BIN2: variants seen among roughly 807,000 people sequenced by gnomAD.
The protein encoded by BIN2 is breast cancer associated protein BRAP1.
Under a neutral mutation model 67.9 loss-of-function variants are expected in BIN2, and 43 were observed. That is an observed-to-expected ratio of 0.63 (90% CI 0.50 to 0.82). The LOEUF (loss-of-function observed/expected upper bound fraction) is 0.82. Among genes scored for constraint, BIN2 ranks in the 40% least tolerant of loss-of-function variants. BIN2 has a pLI of 0.00. For synonymous variants in BIN2, 244 were observed against 246.8 expected (o/e 0.99, Z 0.11); for missense variants, 581 against 671.6 (o/e 0.87, Z 1.49).
chr12:51,302,321 A>C lies in BIN2; in HGVS notation c.313-206T>G. On this transcript the variant is annotated intron_variant, in intron 4 of 12. Transcript: ENST00000615107. ...TCTATGGGAGTCTGAACATACATTC[A>C]GAGATTAAGAACAGGGCACAAGGTC... 3 of 556,240 alleles carry C rather than the reference A, an allele frequency of 5.4e-6. No homozygotes were observed. In the South Asian group the frequency reaches 6.4e-5, roughly 12 times the overall value. 34.5% of individuals were successfully genotyped at this position (556,240 alleles called of 1,614,324 possible).
At chr12:51,320,898 G>A (rs1946254650) in intron 1 of BIN2, among the ~76,000 whole-genome samples, 1 of 136,872 alleles carries the variant, frequency 7.3e-6, no homozygotes, top group South Asian at 2.3e-4. Context: ...GGTGAAAGCA[G>A]TACTATAGTT....
intron 9 of BIN2, among the ~76,000 whole-genome samples, chr12:51,295,272 G>C (rs1337047816): frequency 6.6e-6 from 1 of 151,742 alleles, no homozygotes; most frequent in Non-Finnish European, 1.5e-5. Context: ...AAAGTGGCCG[G>C]GCGCGGTGGC....
intron 11 of BIN2, among the ~76,000 whole-genome samples, chr12:51,287,008 G>C (rs1402946528): frequency 1.3e-5 from 2 of 152,002 alleles, no homozygotes; most frequent in African/African-American, 2.4e-5. Flanking sequence ...TTTTTGTAGA[G>C]ATGGGTTTTT....
At chr12:51,317,474 C>A (rs1280335489) in intron 1 of BIN2, among the ~76,000 whole-genome samples, 2 of 151,502 alleles carry the variant, frequency 1.3e-5, no homozygotes, top group African/African-American at 4.9e-5. Flanking sequence ...TTGAGACCAG[C>A]CTGACCAACA....
rs1430504528 is a variant in BIN2, at chr12:51,303,105, A to C, written c.199T>G (p.Phe67Val). Residue 67 changes from phenylalanine to valine, a missense_variant, in exon 3 of 13, where the codon TTC becomes GTC. Coordinates refer to ENST00000615107, the MANE Select transcript of BIN2 (RefSeq NM_016293.4). ...TGCCCACCTTTGACTGCACTAAGGA[A>C]GTTCTTCAGGTCCTTGTACAGCTTG... ...GHKLYKDLKN[F>V]LSAVKVMHES... 1.2e-6 allele frequency: 2 copies of C among 1,614,194 alleles called. No homozygotes were observed. Among genetic ancestry groups the C allele is most frequent in the Non-Finnish European group, 1.7e-6 (2 of 1,180,002 alleles).
chr12:51,321,624 C>A (rs1946286153), intron 1 of BIN2, among the ~76,000 whole-genome samples: 1 of 152,184 alleles, frequency 6.6e-6, no homozygotes, highest in Non-Finnish European at 1.5e-5. Context: ...GTCTCGAACT[C>A]CCGACCTCAG....
rs745576102 is a variant in BIN2 at position 51,291,637 on chromosome 12, T to C, written c.1469A>G (p.Gln490Arg). 1.2e-6 allele frequency: 2 copies of C among 1,612,980 alleles called. No homozygotes were observed. The highest frequency in any genetic ancestry group is 1.7e-6 in the Non-Finnish European group (2 of 1,179,618). Residue 490 changes from glutamine to arginine, a missense_variant, in exon 10 of 13, where the codon CAG becomes CGG. By Grantham distance (43) the Gln-to-Arg change is conservative (BLOSUM62 1). Coordinates refer to ENST00000615107, the MANE Select transcript of BIN2 (RefSeq NM_016293.4). ...EAKENENIHN[Q>R]NPEELCTSPT... The stretch of plus-strand genomic sequence containing the variant: ...GGAAGTACAAAGTTCTTCAGGGTTC[T>C]GATTGTGGATGTTTTCATTTTCTTT...
At chr12:51,304,793 G>T (rs1335646520) in intron 2 of BIN2, among the ~76,000 whole-genome samples, 2 of 152,080 alleles carry the variant, frequency 1.3e-5, no homozygotes, top group Non-Finnish European at 2.9e-5. Flanking sequence ...GAGGCGGGCG[G>T]ATCACGAGGT....
chr12:51,302,584 G>T (rs750679621), intron 4 of BIN2, 102 bp downstream of exon 4: 7 of 966,618 alleles, frequency 7.2e-6, no homozygotes, highest in Non-Finnish European at 1.1e-5. Flanking sequence ...GTGTGAACTG[G>T]CTCCTTTGTT....
Position 51,281,289 on chromosome 12 carries a change from A to G in BIN2, c.*210T>C, listed in dbSNP as rs1945114737. On this transcript the variant is annotated 3_prime_UTR_variant, in exon 13 of 13. Coordinates refer to ENST00000615107, the MANE Select transcript of BIN2 (RefSeq NM_016293.4). ...CCAGAATTAAATATTCCCTGAGTCTAATGTTCTCTTCTCCCCAGCCTGCCT... is the reference window on the plus strand; with the variant it reads ...CCAGAATTAAATATTCCCTGAGTCTGATGTTCTCTTCTCCCCAGCCTGCCT... The G allele has an allele frequency of 6.5e-5, 39 of 597,102 alleles. 2 individuals are homozygous for G. In the South Asian group the frequency reaches 8.1e-4, roughly 12 times the overall value. 37.0% of individuals were successfully genotyped at this position (597,102 alleles called of 1,614,324 possible).
chr12:51,314,329 T>C (rs1592279635), intron 1 of BIN2, among the ~76,000 whole-genome samples: 1 of 151,228 alleles, frequency 6.6e-6, no homozygotes, highest in Non-Finnish European at 1.5e-5. Flanking sequence ...ATTACAGGCG[T>C]GAGCCAACAT....
chr12:51,297,242 C>CTTTGTATT, intron 7 of BIN2, 78 bp from the exon 8 acceptor site: 1 of 1,439,098 alleles, frequency 6.9e-7, no homozygotes, highest in Non-Finnish European at 9.7e-7. Flanking sequence ...CAAAGTAGGA[C>CTTTGTATT]TTAAGCCAAA....
At position 51,291,710 on chromosome 12, in the gene BIN2, A is replaced by G. The variant is rs1485451728; in HGVS notation, c.1396T>C (p.Ser466Pro). 2 of 1,613,724 alleles carry G rather than the reference A, an allele frequency of 1.2e-6. No individual in the cohort carries two copies. The highest frequency in any genetic ancestry group is 1.7e-6 in the Non-Finnish European group (2 of 1,179,804). Residue 466 changes from serine to proline, a missense_variant, in exon 10 of 13, where the codon TCT (serine) becomes CCT (proline). Physicochemically the swap from Ser to Pro is moderately conservative, Grantham distance 74 (BLOSUM62 -1). Transcript: ENST00000615107. ...TTCTCTGGTGGTTCTGGATTAGGAG[A>G]GACCTCTAGGGAGGTCCTAGGACTT... ...TASPRTSLEV[S>P]PNPEPPEKPV...
At chr12:51,321,388 G>C (rs1946277384) in intron 1 of BIN2, among the ~76,000 whole-genome samples, 1 of 152,058 alleles carries the variant, frequency 6.6e-6, no homozygotes, top group African/African-American at 2.4e-5. Flanking sequence ...CATAAAGGGA[G>C]AGAGAATCAC....
intron 10 of BIN2, among the ~76,000 whole-genome samples, chr12:51,288,804 A>T (rs1216739197): frequency 6.6e-6 from 1 of 151,202 alleles, no homozygotes; most frequent in Non-Finnish European, 1.5e-5. Context: ...CTGGAGTGCA[A>T]CGTGGCACAA....
chr12:51,292,238 T>G lies in BIN2; in HGVS notation c.868A>C (p.Ser290Arg), dbSNP rs767550269. 6.2e-7 allele frequency: 1 copy of G among 1,606,740 alleles called. No homozygotes were observed. Among genetic ancestry groups the G allele is most frequent in the Non-Finnish European group, 8.5e-7 (1 of 1,179,990 alleles). Residue 290 changes from serine to arginine, a missense_variant, in exon 10 of 13, where the codon AGT becomes CGT. By Grantham distance (110) the Ser-to-Arg change is moderately radical. Coordinates refer to ENST00000615107, the MANE Select transcript of BIN2 (RefSeq NM_016293.4). ...SPSTLSLKSE[S>R]ESVSATEDLA... ...TCTTCAGTTGCTGAGACAGATTCAC[T>G]CTCACTCTTCAAGGAAAGTGTAGAG...
upstream of BIN2, chr12:51,324,217 C>A: frequency 6.8e-7 from 1 of 1,480,500 alleles, no homozygotes. Flanking sequence ...AGCCCTGAGC[C>A]ACCTCAGGCC....
chr12:51,299,333 C>G, intron 6 of BIN2, 45 bp from the exon 7 acceptor site: 1 of 1,543,372 alleles, frequency 6.5e-7, no homozygotes, highest in South Asian at 1.1e-5. Context: ...ATTCTGAACC[C>G]AGTACTACAG....
chr12:51,302,905 G>A, intron 3 of BIN2, 125 bp from the exon 4 acceptor site: 1 of 1,130,254 alleles, frequency 8.8e-7, no homozygotes, highest in Non-Finnish European at 1.3e-6. Flanking sequence ...TTATATAAGT[G>A]AGGAAAGCTG....
Sources: gnomAD v4.1 joint callset for allele counts (sites outside exome capture counted in the v4.1 genomes callset) on GRCh38, gnomAD v4.1.1 for gene constraint, MANE v1.5 for transcripts, NCBI Gene and HGNC (gene_info 2026-07-23, HGNC 2026-07-21) for gene names.